ENOX1: variants seen among roughly 807,000 people sequenced by gnomAD.
ENOX1 encodes the protein ecto-NOX disulfide-thiol exchanger 1, also known as candidate growth-related and time keeping constitutive hydroquinone (NADH) oxidase.
In ENOX1, 42 loss-of-function variants were observed where a neutral mutation model predicts 82.5. That is an observed-to-expected ratio of 0.51 (90% CI 0.40 to 0.66). The LOEUF (loss-of-function observed/expected upper bound fraction) is 0.66. Among genes scored for constraint, ENOX1 ranks in the 30% least tolerant of loss-of-function variants. The pLI, the probability that ENOX1 is intolerant of heterozygous loss-of-function variation, is 0.00. For missense variants in ENOX1, 608 were observed against 811.6 expected, an observed-to-expected ratio of 0.75 and a Z score of 3.05; for synonymous variants, 271 against 282.2, an observed-to-expected ratio of 0.96 and a Z score of 0.40.
At chr13:43,514,105 C>T (rs1593576529) in intron 2 of ENOX1, among the ~76,000 whole-genome samples, 1 of 152,134 alleles carries the variant, frequency 6.6e-6, no homozygotes, top group East Asian at 1.9e-4. Flanking sequence ...CTATCTACTT[C>T]ATGTTCACTT....
At chr13:43,220,758 A>T (rs1441602308) in intron 16 of ENOX1, among the ~76,000 whole-genome samples, 1 of 152,158 alleles carries the variant, frequency 6.6e-6, no homozygotes, top group Non-Finnish European at 1.5e-5. Context: ...CCCATTCATT[A>T]TAGTCTGTCT....
At chr13:43,775,968 A>C (rs1445704746) in intron 1 of ENOX1, among the ~76,000 whole-genome samples, 1 of 152,160 alleles carries the variant, frequency 6.6e-6, no homozygotes, top group Non-Finnish European at 1.5e-5. Context: ...GTTTTTTCTT[A>C]ACCAAGCATT....
At position 43,351,847 on chromosome 13, in the gene ENOX1, T is replaced by C. The variant is rs552589474; in HGVS notation, c.823+4072A>G. Among the ~76,000 whole-genome samples, 20 of 152,046 alleles carry C rather than the reference T, an allele frequency of 1.3e-4. No individual in the cohort carries two copies. The East Asian group carries it at 3.9e-3, about 29-fold the overall frequency. ...ATCATTGTTGGACATTTGGGTTGGT[T>C]CCAAGTCTTTGCTATTGTGAATAAT... is the stretch of plus-strand genomic sequence containing the variant. On this transcript the variant is annotated intron_variant, in intron 8 of 16. Transcript: ENST00000690772.
chr13:43,284,698 TGACA>T (rs1248511097), intron 12 of ENOX1, among the ~76,000 whole-genome samples: 7 of 152,134 alleles, frequency 4.6e-5, no homozygotes, highest in Non-Finnish European at 8.8e-5. Context: ...GGAAACTTAC[TGACA>T]AAGTTCAAAT....
At position 43,253,616 on chromosome 13, in the gene ENOX1, T is replaced by C. The variant is rs142044693; in HGVS notation, c.1611+11782A>G. On this transcript the variant is annotated intron_variant, in intron 14 of 16. Coordinates refer to ENST00000690772, the MANE Select transcript of ENOX1 (RefSeq NM_001347969.2). ...AAATGAAGTGGTGCGAAAATCACTA[T>C]GGAATATTTAATAATCTAAATCATA... is the stretch of plus-strand genomic sequence containing the variant. Among the ~76,000 whole-genome samples, 69 of 152,324 alleles carry C rather than the reference T, an allele frequency of 4.5e-4. 1 individual carries two copies. In the East Asian group the frequency reaches 0.013, roughly 28 times the overall value.
At chr13:43,399,537 A>C (rs2053369293) in intron 5 of ENOX1, among the ~76,000 whole-genome samples, 1 of 152,186 alleles carries the variant, frequency 6.6e-6, no homozygotes, top group African/African-American at 2.4e-5. Context: ...TGCCTTCCTA[A>C]ACTGCTCTCC....
chr13:43,385,584 G>A (rs2052358188), intron 5 of ENOX1, among the ~76,000 whole-genome samples: 1 of 152,106 alleles, frequency 6.6e-6, no homozygotes. Context: ...GAGAATTTGA[G>A]GGCTGGGCTA....
intron 2 of ENOX1, among the ~76,000 whole-genome samples, chr13:43,576,167 T>A (rs1296105132): frequency 2.0e-5 from 3 of 152,216 alleles, no homozygotes; most frequent in Non-Finnish European, 4.4e-5. Context: ...ATCACTTGCC[T>A]ACTTAGATTG....
intron 5 of ENOX1, among the ~76,000 whole-genome samples, chr13:43,377,873 C>T (rs547660391): frequency 1.3e-5 from 2 of 152,274 alleles, no homozygotes; most frequent in African/African-American, 4.8e-5. Context: ...GGCCAGAACA[C>T]AGGACAAGAT....
intron 3 of ENOX1, among the ~76,000 whole-genome samples, chr13:43,478,344 C>T (rs1233144565): frequency 6.6e-6 from 1 of 151,964 alleles, no homozygotes; most frequent in Non-Finnish European, 1.5e-5. Context: ...AGTAGAGGAA[C>T]GTGTTCTCAT....
chr13:43,698,477 T>C (rs2086751291), intron 1 of ENOX1, among the ~76,000 whole-genome samples: 1 of 152,164 alleles, frequency 6.6e-6, no homozygotes, highest in Non-Finnish European at 1.5e-5. Context: ...TAATAAAATG[T>C]AAAACTCAGT....
At chr13:43,698,281 G>A (rs960424239) in intron 1 of ENOX1, among the ~76,000 whole-genome samples, 17 of 152,126 alleles carry the variant, frequency 1.1e-4, no homozygotes, top group East Asian at 3.9e-4. Flanking sequence ...CAACCAATAC[G>A]TAAGAATCAC....
intron 2 of ENOX1, among the ~76,000 whole-genome samples, chr13:43,550,952 A>G (rs1429859651): frequency 6.6e-6 from 1 of 152,212 alleles, no homozygotes. Context: ...AGTTTAGACC[A>G]TAAGTAACCC....
chr13:43,279,327 C>G (rs1198753172), intron 12 of ENOX1, among the ~76,000 whole-genome samples: 1 of 152,174 alleles, frequency 6.6e-6, no homozygotes, highest in Non-Finnish European at 1.5e-5. Context: ...GCGTGATTAG[C>G]TCCATTATCA....
At chr13:43,679,113 T>C (rs1440101464) in intron 1 of ENOX1, among the ~76,000 whole-genome samples, 3 of 152,206 alleles carry the variant, frequency 2.0e-5, no homozygotes, top group African/African-American at 7.2e-5. Context: ...ACCACTATGC[T>C]GAGCAGCAGG....
At chr13:43,305,217 G>A (rs1022723452) in intron 11 of ENOX1, among the ~76,000 whole-genome samples, 1 of 151,916 alleles carries the variant, frequency 6.6e-6, no homozygotes, top group Admixed American at 6.6e-5. Flanking sequence ...GCCTCTTATG[G>A]TACCAACAAA....
intron 12 of ENOX1, among the ~76,000 whole-genome samples, chr13:43,286,781 T>TA (rs1280347260): frequency 5.3e-5 from 8 of 152,240 alleles, no homozygotes; most frequent in African/African-American, 1.7e-4. Flanking sequence ...TCAAATTTAA[T>TA]AAAAGCTGCA....
At chr13:43,594,441 GA>G (rs953607911) in intron 2 of ENOX1, among the ~76,000 whole-genome samples, 1 of 152,178 alleles carries the variant, frequency 6.6e-6, no homozygotes, top group African/African-American at 2.4e-5. Flanking sequence ...AACAATTCCT[GA>G]ATTATTCTTT....
intron 13 of ENOX1, among the ~76,000 whole-genome samples, chr13:43,266,734 A>G (rs1169186344): frequency 6.6e-6 from 1 of 152,160 alleles, no homozygotes; most frequent in Non-Finnish European, 1.5e-5. Flanking sequence ...ACTTTTTAAA[A>G]TCCCCTCACT....
Sources: gnomAD v4.1 joint callset for allele counts (sites outside exome capture counted in the v4.1 genomes callset) on GRCh38, gnomAD v4.1.1 for gene constraint, MANE v1.5 for transcripts, NCBI Gene and HGNC (gene_info 2026-07-23, HGNC 2026-07-21) for gene names.